Variants in USP32 observed in about 807,000 individuals in gnomAD.
USP32 encodes the protein ubiquitin specific peptidase 32.
Under a neutral mutation model 204.8 loss-of-function variants are expected in USP32, and 59 were observed. The ratio of observed to expected loss-of-function variants is 0.29; its 90% CI spans 0.23 to 0.36. The LOEUF (loss-of-function observed/expected upper bound fraction) is 0.36, where lower values mean the gene tolerates loss of function less well. Ranked by LOEUF, USP32 falls within the 10% of genes least tolerant of loss-of-function variation. USP32 has a pLI of 1.00. For synonymous variants in USP32, 517 were observed against 678.4 expected (o/e 0.76, Z 3.70); for missense variants, 1,160 against 1,946.4 (o/e 0.60, Z 7.60).
At chr17:60,348,015 G>T (rs542535479) in intron 1 of USP32, among the ~76,000 whole-genome samples, 1 of 151,992 alleles carries the variant, frequency 6.6e-6, no homozygotes, top group East Asian at 2.0e-4. Context: ...CCAGCTACTT[G>T]GGAGGCTGAG....
intron 5 of USP32, among the ~76,000 whole-genome samples, chr17:60,271,796 A>G (rs2086729581): frequency 6.6e-6 from 1 of 151,166 alleles, no homozygotes; most frequent in Non-Finnish European, 1.5e-5. Context: ...TTTTACCTGT[A>G]CTGATTTTTT....
At chr17:60,396,241 C>G (rs1174207822), upstream of USP32, among the ~76,000 whole-genome samples, 1 of 151,976 alleles carries the variant, frequency 6.6e-6, no homozygotes, top group Non-Finnish European at 1.5e-5. Flanking sequence ...CCACACCTGA[C>G]TAATTTTTTA....
At chr17:60,356,024 C>A (rs2089068339) in intron 1 of USP32, among the ~76,000 whole-genome samples, 3 of 152,032 alleles carry the variant, frequency 2.0e-5, no homozygotes, top group Non-Finnish European at 4.4e-5. Flanking sequence ...AGTCAAACAG[C>A]CACTGAAGGA....
chr17:60,256,185 AT>A (rs1286480171), intron 9 of USP32, among the ~76,000 whole-genome samples: 1 of 151,754 alleles, frequency 6.6e-6, no homozygotes, highest in African/African-American at 2.4e-5. Flanking sequence ...GAAAAAAAAA[AT>A]AATAAAAATA....
chr17:60,402,121 C>T (rs983699231), intron 1 of USP32, among the ~76,000 whole-genome samples: 5 of 152,078 alleles, frequency 3.3e-5, no homozygotes, highest in African/African-American at 1.2e-4. Flanking sequence ...ATTAGCTGCA[C>T]CCAATTTTGC....
At chr17:60,337,092 T>C (rs1340974973) in intron 2 of USP32, among the ~76,000 whole-genome samples, 2 of 152,208 alleles carry the variant, frequency 1.3e-5, no homozygotes, top group African/African-American at 2.4e-5. Flanking sequence ...ATCAATAATA[T>C]AGATCAACTA....
chr17:60,185,382 A>G, intron 30 of USP32, 78 bp downstream of exon 30: 2 of 1,467,864 alleles, frequency 1.4e-6, no homozygotes, highest in Non-Finnish European at 1.8e-6. Flanking sequence ...CTCAAAAATA[A>G]CAAAACCTCC....
At chr17:60,359,922 C>T (rs1208819697) in intron 1 of USP32, among the ~76,000 whole-genome samples, 1 of 148,870 alleles carries the variant, frequency 6.7e-6, no homozygotes, top group Non-Finnish European at 1.5e-5. Flanking sequence ...GGCTGGAGTA[C>T]AGTGGCGCAG....
chr17:60,376,104 G>GGCAC (rs2089535397), intron 1 of USP32, among the ~76,000 whole-genome samples: 1 of 151,948 alleles, frequency 6.6e-6, no homozygotes, highest in African/African-American at 2.4e-5. Flanking sequence ...GGAATGCAGT[G>GGCAC]GCACAATCAT....
At chr17:60,253,150 G>A (rs2086210647) in intron 10 of USP32, among the ~76,000 whole-genome samples, 1 of 152,128 alleles carries the variant, frequency 6.6e-6, no homozygotes, top group Non-Finnish European at 1.5e-5. Context: ...TAGTAAGAAT[G>A]ACAAAATAGG....
chr17:60,192,964 G>C, intron 27 of USP32, 34 bp from the exon 28 acceptor site: 1 of 1,610,120 alleles, frequency 6.2e-7, no homozygotes, highest in Non-Finnish European at 8.5e-7. Flanking sequence ...AGTGTAAGAA[G>C]CATTTCTGGT....
upstream of USP32, among the ~76,000 whole-genome samples, chr17:60,394,418 G>A (rs2089886055): frequency 6.6e-6 from 1 of 152,202 alleles, no homozygotes; most frequent in Non-Finnish European, 1.5e-5. Context: ...CTACCCACTT[G>A]ATTTGCAGTG....
Position 60,216,846 on chromosome 17 carries a change from T to A in USP32, c.1868-2072A>T, listed in dbSNP as rs543948897. 2.0e-5 allele frequency among the ~76,000 whole-genome samples: 3 copies of A among 152,312 alleles called. 1 individual carries two copies. The South Asian group carries it at 6.2e-4, about 32-fold the overall frequency. On this transcript the variant is annotated intron_variant, in intron 16 of 33. Transcript: ENST00000300896. ...TCTTTTACAATCAGCAAGCAAAGGA[T>A]AATCTCTAAAAGAAAACAAAAGAGC...
chr17:60,326,637 T>C (rs1008754484), intron 2 of USP32, among the ~76,000 whole-genome samples: 1 of 152,212 alleles, frequency 6.6e-6, no homozygotes, highest in Non-Finnish European at 1.5e-5. Flanking sequence ...TTAATACTTA[T>C]AGCAGCAGCA....
At chr17:60,336,225 A>G (rs1467699325) in intron 2 of USP32, among the ~76,000 whole-genome samples, 1 of 143,094 alleles carries the variant, frequency 7.0e-6, no homozygotes, top group East Asian at 1.9e-4. Flanking sequence ...TAGATCTTCT[A>G]TTGTGAACTC....
chr17:60,201,283 G>A (rs73990679), intron 26 of USP32, among the ~76,000 whole-genome samples: 9,421 of 151,942 alleles, frequency 0.062, 1,044 homozygotes, highest in African/African-American at 0.22. Context: ...ATATATCTCA[G>A]CTTCCCAATC....
chr17:60,217,234 C>A (rs1198967546), intron 16 of USP32, among the ~76,000 whole-genome samples: 6 of 152,124 alleles, frequency 3.9e-5, no homozygotes, highest in African/African-American at 7.2e-5. Flanking sequence ...AGGATCAGCA[C>A]AAGAGTTACA....
intron 1 of USP32, chr17:60,421,761 T>G (rs1430426333): frequency 1.1e-6 from 1 of 877,974 alleles, no homozygotes; most frequent in Non-Finnish European, 1.4e-6. Flanking sequence ...GTTTCCGCCC[T>G]CGGCCTCGGG....
At chr17:60,266,249 T>C (rs1441447564) in intron 7 of USP32, among the ~76,000 whole-genome samples, 158 bp from the exon 8 acceptor site, 1 of 152,216 alleles carries the variant, frequency 6.6e-6, no homozygotes, top group African/African-American at 2.4e-5. Context: ...TATGTCATTA[T>C]AGTCCTCAGA....
Sources: gnomAD v4.1 joint callset for allele counts (sites outside exome capture counted in the v4.1 genomes callset) on GRCh38, gnomAD v4.1.1 for gene constraint, MANE v1.5 for transcripts, NCBI Gene and HGNC (gene_info 2026-07-23, HGNC 2026-07-21) for gene names.